DCUN1D4: variants seen among roughly 807,000 people sequenced by gnomAD.
DCUN1D4 encodes the protein DCN1-like protein 4.
Under a neutral mutation model 47.9 loss-of-function variants are expected in DCUN1D4, and 22 were observed. That is an observed-to-expected ratio of 0.46 (90% CI 0.33 to 0.66). The LOEUF (loss-of-function observed/expected upper bound fraction) is 0.66, where lower values mean the gene tolerates loss of function less well. Among genes scored for constraint, DCUN1D4 ranks in the 30% least tolerant of loss-of-function variants. DCUN1D4 has a pLI of 0.02. For synonymous variants in DCUN1D4, 121 were observed against 112.2 expected, an observed-to-expected ratio of 1.08 and a Z score of -0.50; for missense variants, 301 against 340.8, an observed-to-expected ratio of 0.88 and a Z score of 0.92.
chr4:51,908,837 A>T (rs1437947309), intron 8 of DCUN1D4: 1 of 453,424 alleles, frequency 2.2e-6, no homozygotes, highest in East Asian at 7.0e-5. Context: ...CCACAAGTCC[A>T]CTCACAGGAA....
At chr4:51,869,599 G>A (rs1245027797) in intron 3 of DCUN1D4, among the ~76,000 whole-genome samples, 2 of 151,796 alleles carry the variant, frequency 1.3e-5, no homozygotes, top group Non-Finnish European at 2.9e-5. Flanking sequence ...CCACAAAGCA[G>A]AAAGATTAAA....
intron 3 of DCUN1D4, among the ~76,000 whole-genome samples, chr4:51,867,041 G>A (rs964526548): frequency 1.3e-5 from 2 of 152,226 alleles, no homozygotes; most frequent in African/African-American, 2.4e-5. Flanking sequence ...GCAAGCACCC[G>A]CTCCAATCAC....
chr4:51,853,838 T>C (rs1236790131), intron 1 of DCUN1D4, among the ~76,000 whole-genome samples: 1 of 152,204 alleles, frequency 6.6e-6, no homozygotes, highest in Non-Finnish European at 1.5e-5. Context: ...AGCTCCCCCA[T>C]GGGCACTGCA....
intron 8 of DCUN1D4, among the ~76,000 whole-genome samples, chr4:51,903,436 G>A (rs1170274406): frequency 6.6e-6 from 1 of 151,762 alleles, no homozygotes; most frequent in Non-Finnish European, 1.5e-5. Flanking sequence ...TCTTTCCATT[G>A]CTTTTTTAGC....
the DCUN1D4 span, among the ~76,000 whole-genome samples, chr4:51,836,485 T>C: frequency 5.9e-5 from 9 of 152,292 alleles, no homozygotes; most frequent in Non-Finnish European, 1.0e-4. Flanking sequence ...TTTGGAACCA[T>C]AGATTTTTCT....
At chr4:51,839,211 G>GA (rs960684783), upstream of DCUN1D4, among the ~76,000 whole-genome samples, 19 of 150,102 alleles carry the variant, frequency 1.3e-4, no homozygotes, top group South Asian at 2.7e-3. Flanking sequence ...AGGAAGGAAG[G>GA]AGGGAAGGAA....
In DCUN1D4 at chr4:51,913,368, A is replaced by G. The variant is rs1306564286; in HGVS notation, c.799A>G (p.Ser267Gly). The change falls in exon 10 of 11, where the codon AGC becomes GGC. Residue 267 changes from serine to glycine, a missense_variant. Ser to Gly is a moderately conservative substitution (Grantham distance 56). Transcript: ENST00000334635. Reference sequence around the variant, plus strand: ...TAGCAGAACAATTAATCTTGACCTCAGCAACTATGATGAAGATGGAGCATG... The same window carrying G: ...TAGCAGAACAATTAATCTTGACCTCGGCAACTATGATGAAGATGGAGCATG... ...EFSRTINLDL[S>G]NYDEDGAWPV... The G allele has an allele frequency of 1.2e-6, 2 of 1,612,388 alleles. No individual in the cohort carries two copies. Among genetic ancestry groups the G allele is most frequent in the East Asian group, 2.2e-5 (1 of 44,798 alleles).
chr4:51,901,209 G>A (rs929109862), intron 8 of DCUN1D4, among the ~76,000 whole-genome samples: 3 of 152,138 alleles, frequency 2.0e-5, no homozygotes, highest in Non-Finnish European at 4.4e-5. Context: ...TCCCCACTGT[G>A]TTTATATCGA....
rs886979516 is a variant in DCUN1D4, at chr4:51,916,508, A to G, written c.*2924A>G. The G allele has an allele frequency of 6.6e-6, 1 of 152,546 alleles. No homozygotes were observed. The highest frequency in any genetic ancestry group is 1.5e-5 in the Non-Finnish European group (1 of 67,996). The allele number at this position is 152,546 out of a possible 1,614,324, so 9.4% of individuals were successfully genotyped here. A position where few individuals can be genotyped will look rare whatever the true frequency, so the allele number is the denominator to read the frequency against. ...TGTAAGCCTTATCCTTTATTCTTTC[A>G]TATGTTGTATAATAAATGTATAGAT... On this transcript the variant is annotated 3_prime_UTR_variant, in exon 11 of 11. Transcript: ENST00000334635.
intron 8 of DCUN1D4, among the ~76,000 whole-genome samples, chr4:51,904,445 G>A (rs1732571876): frequency 6.6e-6 from 1 of 152,098 alleles, no homozygotes; most frequent in South Asian, 2.1e-4. Context: ...ACATCTCTTT[G>A]TGTAGTTCCC....
At chr4:51,894,888 C>T (rs1730994107) in intron 7 of DCUN1D4, among the ~76,000 whole-genome samples, 1 of 151,984 alleles carries the variant, frequency 6.6e-6, no homozygotes, top group African/African-American at 2.4e-5. Flanking sequence ...AAATAAAATT[C>T]CAGAGAATTT....
intron 4 of DCUN1D4, among the ~76,000 whole-genome samples, chr4:51,876,506 A>T (rs555161503): frequency 6.6e-6 from 1 of 152,316 alleles, no homozygotes; most frequent in East Asian, 1.9e-4. Context: ...CCAACATGGC[A>T]CACGTATACA....
chr4:51,913,349 A>G lies in DCUN1D4; in HGVS notation c.780A>G (p.Arg260=), dbSNP rs1444953076. 6.2e-7 allele frequency: 1 copy of G among 1,612,900 alleles called. No homozygotes were observed. Among genetic ancestry groups the G allele is most frequent in the Admixed American group, 1.7e-5 (1 of 59,920 alleles). ...DQWCNVLEFS[R]TINLDLSNYD... is the part of the protein sequence containing the mutation. ...GGTGCAATGTCCTAGAGTTTAGCAG[A>G]ACAATTAATCTTGACCTCAGCAACT... is the stretch of plus-strand genomic sequence containing the variant. The change falls in exon 10 of 11, where the codon AGA becomes AGG. Residue 260 remains arginine, a synonymous_variant. Transcript: ENST00000334635.
At chr4:51,838,944 G>A (rs1257346065), upstream of DCUN1D4, among the ~76,000 whole-genome samples, 7 of 152,080 alleles carry the variant, frequency 4.6e-5, no homozygotes, top group Admixed American at 2.0e-4. Flanking sequence ...GTGTGGTGGC[G>A]TGTGCCTGTA....
intron 8 of DCUN1D4, among the ~76,000 whole-genome samples, chr4:51,901,991 A>G (rs992956181): frequency 6.6e-6 from 1 of 151,910 alleles, no homozygotes; most frequent in Admixed American, 6.6e-5. Flanking sequence ...GAGATGTTAT[A>G]TTTTCATTTT....
chr4:51,901,782 C>T (rs1732160901), intron 8 of DCUN1D4, among the ~76,000 whole-genome samples: 1 of 152,138 alleles, frequency 6.6e-6, no homozygotes, highest in Non-Finnish European at 1.5e-5. Flanking sequence ...CTTTGTACAT[C>T]CTTTGTTTTA....
intron 3 of DCUN1D4, among the ~76,000 whole-genome samples, chr4:51,873,038 G>T (rs900540918): frequency 6.6e-6 from 1 of 152,182 alleles, no homozygotes; most frequent in African/African-American, 2.4e-5. Flanking sequence ...TTCAAATGGC[G>T]AATGAGAGAC....
chr4:51,908,975 A>C, intron 8 of DCUN1D4: 1 of 456,248 alleles, frequency 2.2e-6, no homozygotes, highest in Non-Finnish European at 4.4e-6. Context: ...GCAGAGCAGG[A>C]GTAAGTGAGT....
At chr4:51,871,364 T>A (rs1296724783) in intron 3 of DCUN1D4, among the ~76,000 whole-genome samples, 2 of 152,232 alleles carry the variant, frequency 1.3e-5, no homozygotes, top group East Asian at 1.9e-4. Context: ...AACATGCTAA[T>A]CTTGACAAGT....
Sources: allele counts gnomAD v4.1 joint callset (sites outside exome capture counted in the v4.1 genomes callset), GRCh38; gene constraint gnomAD v4.1.1; transcripts MANE v1.5; gene names NCBI Gene and HGNC (gene_info 2026-07-23, HGNC 2026-07-21).